The following SORBS2 variants were observed in gnomAD, a reference collection of about 807,000 sequenced individuals.
SORBS2 encodes the protein sorbin and SH3 domain-containing protein 2.
A neutral mutation model predicts 97.7 loss-of-function variants in SORBS2; 46 were observed. The ratio of observed to expected loss-of-function variants is 0.47; its 90% CI spans 0.37 to 0.60. The LOEUF is 0.60. SORBS2 is among the 20% of genes least tolerant of loss of function. The pLI, the probability that SORBS2 is intolerant of heterozygous loss-of-function variation, is 0.00. For synonymous variants in SORBS2, 476 were observed against 473.4 expected, an observed-to-expected ratio of 1.01 and a Z score of -0.07; for missense variants, 1,316 against 1,282.3, an observed-to-expected ratio of 1.03 and a Z score of -0.40.
rs1380441783 is a variant in SORBS2 at position 185,684,875 on chromosome 4, G to T, written c.-197-6053C>A. 6.5e-7 allele frequency: 1 copy of T among 1,526,754 alleles called. No homozygotes were observed. The highest frequency in any genetic ancestry group is 1.2e-5 in the South Asian group (1 of 83,358). 94.6% of individuals were successfully genotyped at this position (1,526,754 alleles called of 1,614,324 possible). On this transcript the variant is annotated intron_variant, in intron 2 of 20. Transcript: ENST00000284776. The surrounding 1 kb of genome is among the most constrained non-coding windows in gnomAD (Gnocchi z 4.2). ...GAAGCAAAAAAATGATATAGCAGAG[G>T]CCAAGGCAACGGGAAAAGCACGTGC... is the stretch of plus-strand genomic sequence containing the variant.
At chr4:185,663,813 G>A (rs1480815508) in intron 4 of SORBS2, among the ~76,000 whole-genome samples, 1 of 151,128 alleles carries the variant, frequency 6.6e-6, no homozygotes, top group Admixed American at 6.6e-5. Flanking sequence ...TATTGACTAG[G>A]GGTTAAAAAA....
intron 2 of SORBS2, among the ~76,000 whole-genome samples, chr4:185,702,974 C>T (rs1437601579): frequency 1.3e-5 from 2 of 151,996 alleles, no homozygotes; most frequent in African/African-American, 4.8e-5. Context: ...TATTAAAATT[C>T]AGAAAAAGGA....
intron 2 of SORBS2, among the ~76,000 whole-genome samples, chr4:185,726,980 G>C (rs955159725): frequency 2.0e-5 from 3 of 152,126 alleles, no homozygotes; most frequent in African/African-American, 4.8e-5. Flanking sequence ...TTTACTTGAG[G>C]CTATTACAGA....
chr4:185,854,719 C>T (rs962923719), intron 1 of SORBS2, among the ~76,000 whole-genome samples: 9 of 151,964 alleles, frequency 5.9e-5, no homozygotes, highest in African/African-American at 1.2e-4. Flanking sequence ...ACTAGCAATT[C>T]TTGTGGAGGC....
At chr4:185,593,726 C>A in intron 13 of SORBS2, 160 bp downstream of exon 25, 1 of 594,896 alleles carries the variant, frequency 1.7e-6, no homozygotes, top group South Asian at 2.3e-5. Context: ...TGGTCACTGT[C>A]ATAAAAGATG....
At chr4:185,685,310 C>T (rs1398719618) in intron 2 of SORBS2, among the ~76,000 whole-genome samples, 1 of 152,048 alleles carries the variant, frequency 6.6e-6, no homozygotes, top group African/African-American at 2.4e-5. Context: ...TGTTATAATT[C>T]CCAAAGAGAG....
intron 12 of SORBS2, among the ~76,000 whole-genome samples, chr4:185,599,896 C>CG (rs1263302575): frequency 1.4e-5 from 2 of 143,102 alleles, no homozygotes; most frequent in African/African-American, 5.4e-5. Flanking sequence ...GCCCTGGGGG[C>CG]GGGGGAGGTG....
At chr4:185,915,197 TG>T (rs1291883207) in intron 1 of SORBS2, among the ~76,000 whole-genome samples, 1 of 152,238 alleles carries the variant, frequency 6.6e-6, no homozygotes, top group African/African-American at 2.4e-5. Context: ...GTGTAAGAAG[TG>T]GACGATGACT....
chr4:185,903,477 A>G (rs996964517), intron 1 of SORBS2, among the ~76,000 whole-genome samples: 13 of 152,186 alleles, frequency 8.5e-5, no homozygotes, highest in Non-Finnish European at 1.5e-4. Context: ...CTGGAACAAC[A>G]TTGTGGGGAA....
intron 1 of SORBS2, among the ~76,000 whole-genome samples, chr4:185,842,984 C>G (rs1401333076): frequency 6.7e-6 from 1 of 149,940 alleles, no homozygotes; most frequent in Admixed American, 6.6e-5. Context: ...AGGCAGCTGG[C>G]AGGCAATTAG....
chr4:185,734,508 C>T (rs566932381), intron 2 of SORBS2, among the ~76,000 whole-genome samples: 19 of 152,230 alleles, frequency 1.2e-4, no homozygotes, highest in African/African-American at 4.1e-4. Context: ...TCTTTCCTTG[C>T]CCCCTATTTC....
intron 4 of SORBS2, among the ~76,000 whole-genome samples, chr4:185,634,954 G>C (rs1343964946): frequency 6.6e-6 from 1 of 152,118 alleles, no homozygotes; most frequent in Non-Finnish European, 1.5e-5. Flanking sequence ...TGGGACATAG[G>C]CATCTGATTA....
chr4:185,758,917 T>G (rs1324994301), intron 2 of SORBS2, among the ~76,000 whole-genome samples: 1 of 152,236 alleles, frequency 6.6e-6, no homozygotes, highest in Admixed American at 6.5e-5. Flanking sequence ...CAGATCCTCT[T>G]TACCCTGCTA....
In SORBS2 at chr4:185,623,465, C is replaced by A. The variant is rs1554083162; in HGVS notation, c.1664G>T (p.Arg555Leu). Residue 555 changes from arginine (R) to leucine (L), a missense_variant, in exon 7 of 15, where the codon CGC becomes CTC. Coordinates refer to ENST00000418609, the Ensembl canonical transcript of SORBS2. This position sits in a 1 kb window ranked among gnomAD's most constrained non-coding sequence, Gnocchi z 6.4. ...GCCTTTGCAGGAGCTGATGAGGTGG[C>A]GGTGGTGGTGGTGGTGGTGATGGTG... is the stretch of plus-strand genomic sequence containing the variant. 1 of 1,612,016 alleles carries A rather than the reference C, an allele frequency of 6.2e-7. No individual in the cohort carries two copies. The highest frequency in any genetic ancestry group is 1.1e-5 in the South Asian group (1 of 91,016).
chr4:185,840,845 C>T (rs2099211049), intron 1 of SORBS2, among the ~76,000 whole-genome samples: 2 of 152,002 alleles, frequency 1.3e-5, no homozygotes, highest in Non-Finnish European at 2.9e-5. Context: ...GGGAGGCAGA[C>T]CCATAGACTG....
chr4:185,921,884 A>G (rs2099261067), intron 1 of SORBS2, among the ~76,000 whole-genome samples: 1 of 152,206 alleles, frequency 6.6e-6, no homozygotes, highest in Non-Finnish European at 1.5e-5. Flanking sequence ...TCACCTCCAG[A>G]GATTCCTTTA....
chr4:185,697,473 C>T (rs963736904), intron 2 of SORBS2, among the ~76,000 whole-genome samples: 2 of 152,120 alleles, frequency 1.3e-5, no homozygotes, highest in East Asian at 3.9e-4. Context: ...GATTTTCCCC[C>T]CCACACATTG....
At chr4:185,942,624 T>C (rs10007140) in intron 1 of SORBS2, among the ~76,000 whole-genome samples, 19,621 of 152,104 alleles carry the variant, frequency 0.13, 1,536 homozygotes, top group Middle Eastern at 0.24. Context: ...GCTGGGATTA[T>C]AGGCATGAGC....
At chr4:185,712,703 C>A (rs2098434387) in intron 2 of SORBS2, among the ~76,000 whole-genome samples, 1 of 152,216 alleles carries the variant, frequency 6.6e-6, no homozygotes, top group Non-Finnish European at 1.5e-5. Context: ...TTCGCTCCTG[C>A]CAGTGCCAAA....
Sources: allele counts gnomAD v4.1 joint callset (sites outside exome capture counted in the v4.1 genomes callset), GRCh38; gene constraint gnomAD v4.1.1; non-coding constraint Gnocchi (gnomAD v3.1); transcripts MANE v1.5; gene names NCBI Gene and HGNC (gene_info 2026-07-23, HGNC 2026-07-21).